SLC4A8: variants seen among roughly 807,000 people sequenced by gnomAD.
The protein encoded by SLC4A8 is electroneutral sodium bicarbonate exchanger 1.
SLC4A8 carries 40 observed loss-of-function variants against 125.0 expected under a neutral mutation model. That is an observed-to-expected ratio of 0.32 (90% CI 0.25 to 0.42). The LOEUF is 0.42. Among genes scored for constraint, SLC4A8 ranks in the 10% least tolerant of loss-of-function variants. The probability of loss-of-function intolerance (pLI) is 1.00; values close to 1 mark genes in which losing one functional copy is unlikely to be tolerated. For synonymous variants in SLC4A8, 456 were observed against 476.0 expected, an observed-to-expected ratio of 0.96 and a Z score of 0.55; for missense variants, 863 against 1,355.1, an observed-to-expected ratio of 0.64 and a Z score of 5.70.
chr12:51,418,098 A>G (rs556238080), intron 1 of SLC4A8, among the ~76,000 whole-genome samples: 30 of 152,378 alleles, frequency 2.0e-4, no homozygotes, highest in African/African-American at 7.2e-4. Flanking sequence ...GGAAGAGATC[A>G]TAATGGGCTA....
chr12:51,479,258 C>T (rs1261832307), intron 16 of SLC4A8, among the ~76,000 whole-genome samples: 2 of 152,212 alleles, frequency 1.3e-5, no homozygotes, highest in African/African-American at 4.8e-5. Flanking sequence ...AATCCCCATA[C>T]TAAGCAGCCT....
chr12:51,480,571 T>G (rs1382721707), intron 16 of SLC4A8: 1 of 985,008 alleles, frequency 1.0e-6, no homozygotes, highest in African/African-American at 1.7e-5. Context: ...TGATTTCCAT[T>G]TGTATGGAAT....
Position 51,507,714 on chromosome 12 carries a change from C to A in SLC4A8, c.*276C>A. The A allele has an allele frequency of 3.1e-6, 1 of 321,104 alleles. No homozygotes were observed. The highest frequency in any genetic ancestry group is 4.9e-5 in the East Asian group (1 of 20,464). The allele number at this position is 321,104 out of a possible 1,614,324, so 19.9% of individuals were successfully genotyped here. A position where few individuals can be genotyped will look rare whatever the true frequency, so the allele number is the denominator to read the frequency against. On this transcript the variant is annotated 3_prime_UTR_variant, in exon 25 of 25. Coordinates refer to ENST00000453097, the MANE Select transcript of SLC4A8 (RefSeq NM_001039960.3). ...CTCTTCCTTCTTTTTCTCTTTAGAACGGCCACCATTGAAGACCTAGCTTCC... is the reference window on the plus strand; with the variant it reads ...CTCTTCCTTCTTTTTCTCTTTAGAAAGGCCACCATTGAAGACCTAGCTTCC...
intron 1 of SLC4A8, among the ~76,000 whole-genome samples, chr12:51,432,578 C>T (rs1347069480): frequency 1.3e-5 from 2 of 151,908 alleles, no homozygotes; most frequent in Non-Finnish European, 2.9e-5. Flanking sequence ...CAAAAATTAG[C>T]TGGGCGTGGT....
intron 16 of SLC4A8, among the ~76,000 whole-genome samples, chr12:51,478,675 G>A (rs1341145374): frequency 6.6e-6 from 1 of 152,202 alleles, no homozygotes; most frequent in Non-Finnish European, 1.5e-5. Context: ...ATTTATTGCT[G>A]TCTGCTTAAC....
chr12:51,430,945 A>G (rs1279875939), intron 1 of SLC4A8, among the ~76,000 whole-genome samples: 1 of 152,210 alleles, frequency 6.6e-6, no homozygotes, highest in Non-Finnish European at 1.5e-5. Context: ...TGGCTTAAAA[A>G]ACACAAATTT....
At chr12:51,466,818 T>C (rs570982791) in intron 11 of SLC4A8, among the ~76,000 whole-genome samples, 1 of 152,334 alleles carries the variant, frequency 6.6e-6, no homozygotes, top group East Asian at 1.9e-4. Flanking sequence ...ACAGATGTCT[T>C]CCCTTTCTAT....
Position 51,505,896 on chromosome 12 carries a change from C to G in SLC4A8, c.3235C>G (p.Leu1079Val). The G allele has an allele frequency of 3.2e-6, 5 of 1,582,400 alleles. No individual in the cohort carries two copies. In the South Asian group the frequency reaches 3.4e-5, roughly 11 times the overall value. ...EMPKTTVWKALSMNSGNAKEK... is the reference protein window; with the variant it reads ...EMPKTTVWKAVSMNSGNAKEK... ...GCCTAAAACTACAGTTTGGAAAGCT[C>G]TCAGTATGAATTCTGGAAATGCAAA... The change falls in exon 24 of 25, where the codon CTC becomes GTC. Residue 1079 changes from leucine (L) to valine (V), a missense_variant. Transcript: ENST00000453097.
intron 1 of SLC4A8, among the ~76,000 whole-genome samples, chr12:51,409,662 G>T (rs1268964245): frequency 6.6e-6 from 1 of 152,180 alleles, no homozygotes; most frequent in Non-Finnish European, 1.5e-5. Context: ...GGATCCTCCT[G>T]CCTCAGCCTC....
intron 22 of SLC4A8, among the ~76,000 whole-genome samples, chr12:51,502,709 G>T (rs983599957): frequency 1.1e-4 from 17 of 151,962 alleles, no homozygotes; most frequent in African/African-American, 3.9e-4. Flanking sequence ...ACAGACGTTG[G>T]CATGGTTGTG....
At chr12:51,483,287 T>A (rs1592258819) in intron 16 of SLC4A8, among the ~76,000 whole-genome samples, 1 of 151,602 alleles carries the variant, frequency 6.6e-6, no homozygotes, top group East Asian at 1.9e-4. Context: ...AATATTTGCC[T>A]GTGATGGAAA....
In SLC4A8 at chr12:51,457,377, T is replaced by C; in HGVS notation, c.601T>C (p.Ser201Pro). 1 of 1,613,856 alleles carries C rather than the reference T, an allele frequency of 6.2e-7. No homozygotes were observed. Among genetic ancestry groups the C allele is most frequent in the South Asian group, 1.1e-5 (1 of 91,066 alleles). ...SDLILDQQEL[S>P]SDLNDSMRVK... ...CCTGATCCTGGATCAGCAAGAACTG[T>C]CCAGTGACCTGAATGACAGCATGAG... Residue 201 changes from serine (S) to proline (P), a missense_variant, in exon 6 of 25, where the codon TCC (serine) becomes CCC (proline). Around this residue, in one of 6 missense-constraint regions of SLC4A8, gnomAD observed 390 missense variants for 634.4 expected, o/e 0.61. Transcript: ENST00000453097.
chr12:51,483,545 A>T (rs1951085086), intron 16 of SLC4A8, among the ~76,000 whole-genome samples: 1 of 151,246 alleles, frequency 6.6e-6, no homozygotes, highest in Non-Finnish European at 1.5e-5. Flanking sequence ...CAAAACATTT[A>T]TTCAGCATAC....
intron 17 of SLC4A8, among the ~76,000 whole-genome samples, chr12:51,487,554 TC>T (rs1471286448): frequency 6.6e-6 from 1 of 152,212 alleles, no homozygotes; most frequent in Non-Finnish European, 1.5e-5. Flanking sequence ...CCAGTTGGTA[TC>T]CCTGGCCTTT....
intron 23 of SLC4A8, 24 bp downstream of exon 23, chr12:51,504,144 GT>G: frequency 7.2e-7 from 1 of 1,380,112 alleles, no homozygotes; most frequent in Non-Finnish European, 1.0e-6. Flanking sequence ...ACACCAAGGA[GT>G]TTACTTTTGG....
At chr12:51,451,520 T>C (rs1949972085) in intron 3 of SLC4A8, among the ~76,000 whole-genome samples, 1 of 152,220 alleles carries the variant, frequency 6.6e-6, no homozygotes, top group African/African-American at 2.4e-5. Context: ...TTCTAAACTC[T>C]TAATATTTTT....
intron 1 of SLC4A8, among the ~76,000 whole-genome samples, chr12:51,433,851 GTTTTTTTTTT>G (rs869249897): frequency 1.5e-5 from 1 of 65,280 alleles, no homozygotes; most frequent in African/African-American, 6.4e-5. Flanking sequence ...CACACCATCT[GTTTTTTTTTT>G]TTTTTTTTTT....
At chr12:51,484,705 G>A (rs1340161938) in intron 16 of SLC4A8, among the ~76,000 whole-genome samples, 1 of 152,168 alleles carries the variant, frequency 6.6e-6, no homozygotes, top group Non-Finnish European at 1.5e-5. Flanking sequence ...TCATTTGCCA[G>A]GTACTGTATT....
intron 1 of SLC4A8, among the ~76,000 whole-genome samples, chr12:51,439,715 A>G (rs1177447676): frequency 2.0e-5 from 3 of 152,164 alleles, no homozygotes; most frequent in African/African-American, 7.2e-5. Flanking sequence ...ATTGCAAAGG[A>G]AGAAAGACTT....
Sources: gnomAD v4.1 joint callset for allele counts (sites outside exome capture counted in the v4.1 genomes callset) on GRCh38, gnomAD v4.1.1 for gene constraint, gnomAD v4.1.1 regional missense constraint, MANE v1.5 for transcripts, NCBI Gene and HGNC (gene_info 2026-07-23, HGNC 2026-07-21) for gene names.